Variants in ORC3 observed in about 807,000 individuals in gnomAD.
The protein encoded by ORC3 is origin recognition complex subunit 3, also known as homolog of latheo, Drosophila.
In ORC3, 78 loss-of-function variants were observed where a neutral mutation model predicts 100.7. That is an observed-to-expected ratio of 0.77 (90% CI 0.65 to 0.94). ORC3 has a LOEUF of 0.94. Ranked by LOEUF, ORC3 falls within the 40% of genes least tolerant of loss-of-function variation. ORC3 has a pLI of 0.00. For missense variants in ORC3, 789 were observed against 823.9 expected, an observed-to-expected ratio of 0.96 and a Z score of 0.52; for synonymous variants, 295 against 289.3, an observed-to-expected ratio of 1.02 and a Z score of -0.20.
At chr6:87,590,263 A>T in intron 1 of ORC3, 71 bp downstream of exon 1, 1 of 1,470,534 alleles carries the variant, frequency 6.8e-7, no homozygotes, top group South Asian at 1.1e-5. Flanking sequence ...GATGAAGCCG[A>T]GGTTACGTAG....
At chr6:87,663,296 T>C (rs950620854) in intron 17 of ORC3, 152 bp downstream of exon 17, 2 of 572,528 alleles carry the variant, frequency 3.5e-6, no homozygotes, top group African/African-American at 3.7e-5. Flanking sequence ...TTCTTTAGAC[T>C]GTAGAAAAAA....
intron 11 of ORC3, 75 bp downstream of exon 11, chr6:87,622,088 G>A: frequency 2.1e-6 from 2 of 954,716 alleles, no homozygotes; most frequent in Non-Finnish European, 3.3e-6. Context: ...AACATTTATT[G>A]AGTTAATAAA....
At chr6:87,600,336 AAAG>A (rs2128246703) in intron 2 of ORC3, among the ~76,000 whole-genome samples, 1 of 152,350 alleles carries the variant, frequency 6.6e-6, no homozygotes, top group East Asian at 1.9e-4. Flanking sequence ...TTGATTAAAA[AAAG>A]AGACCTGTGA....
chr6:87,658,744 G>A (rs1286817979), intron 16 of ORC3, among the ~76,000 whole-genome samples: 2 of 152,102 alleles, frequency 1.3e-5, no homozygotes, highest in South Asian at 4.1e-4. Context: ...CCTGAAGAAA[G>A]AACATTTAAT....
intron 19 of ORC3, 68 bp downstream of exon 19, chr6:87,665,901 G>T (rs1770557746): frequency 1.1e-6 from 1 of 905,260 alleles, no homozygotes; most frequent in Non-Finnish European, 1.8e-6. Flanking sequence ...ATTTCTCCAG[G>T]TCTACACTAG....
At chr6:87,605,644 T>C (rs1340798456) in intron 4 of ORC3, among the ~76,000 whole-genome samples, 7 of 150,560 alleles carry the variant, frequency 4.6e-5, no homozygotes, top group Non-Finnish European at 8.9e-5. Flanking sequence ...AGCGAGATTC[T>C]GTCTCAAAAA....
chr6:87,614,973 C>T (rs1779056796), intron 8 of ORC3, among the ~76,000 whole-genome samples: 1 of 152,170 alleles, frequency 6.6e-6, no homozygotes, highest in South Asian at 2.1e-4. Flanking sequence ...TCAGCAGTGC[C>T]CCACTCTACT....
chr6:87,662,918 G>A, intron 16 of ORC3, 85 bp from the exon 17 acceptor site: 1 of 851,664 alleles, frequency 1.2e-6, no homozygotes, highest in Non-Finnish European at 1.6e-6. Context: ...GTCCAACAGA[G>A]CTTAAAGGAA....
rs148291220 is a variant in ORC3, at chr6:87,646,716, A to G, written c.1383-6400A>G. On this transcript the variant is annotated intron_variant, in intron 13 of 19. Transcript: ENST00000392844. ...CTCCTACCTCAGTATATGCTCCTTTACATTCTCCTTTAGTGCTTTCTCTTC... is the reference window on the plus strand; with the variant it reads ...CTCCTACCTCAGTATATGCTCCTTTGCATTCTCCTTTAGTGCTTTCTCTTC... 2.5e-3 allele frequency among the ~76,000 whole-genome samples: 382 copies of G among 152,344 alleles called. 2 individuals are homozygous for G. The highest frequency in any genetic ancestry group is 8.9e-3 in the African/African-American group (368 of 41,570).
At chr6:87,662,552 C>A (rs1770271291) in intron 16 of ORC3, among the ~76,000 whole-genome samples, 1 of 152,160 alleles carries the variant, frequency 6.6e-6, no homozygotes, top group African/African-American at 2.4e-5. Context: ...TAATTCCAGG[C>A]CTGTGTTTAA....
chr6:87,640,730 C>G (rs571060347), intron 13 of ORC3, among the ~76,000 whole-genome samples: 3 of 152,290 alleles, frequency 2.0e-5, no homozygotes, highest in African/African-American at 7.2e-5. Context: ...ATCTAGAAAT[C>G]AAATGCTAGG....
chr6:87,603,161 A>G (rs1037964078), intron 3 of ORC3, among the ~76,000 whole-genome samples: 1 of 151,096 alleles, frequency 6.6e-6, no homozygotes, highest in Non-Finnish European at 1.5e-5. Flanking sequence ...TCTTTTATCT[A>G]AAAAGATGAG....
In ORC3 at chr6:87,619,276, A is replaced by C. The variant is rs963827601; in HGVS notation, c.988-2078A>C. Among the ~76,000 whole-genome samples, 5 of 152,252 alleles carry C rather than the reference A, an allele frequency of 3.3e-5. No homozygotes were observed. In the South Asian group the frequency reaches 1.0e-3, roughly 31 times the overall value. On this transcript the variant is annotated intron_variant, in intron 9 of 19. Coordinates refer to ENST00000392844, the MANE Select transcript of ORC3 (RefSeq NM_012381.4). The stretch of plus-strand genomic sequence containing the variant: ...GTAAAGGACATTAACCAAGTTACTT[A>C]ATCTCTCAGGGTCTCAGTTTTCTCA...
chr6:87,601,744 A>G lies in ORC3; in HGVS notation c.80-40A>G, dbSNP rs373901200. On this transcript the variant is annotated intron_variant, in intron 2 of 19. Transcript: ENST00000392844. ...CGTAAGATCTATAACTTATACTATT[A>G]TATGAAAAAAGAAACTGACTTATTT... 1.0e-4 allele frequency: 117 copies of G among 1,144,918 alleles called. 1 individual carries two copies. The highest frequency in any genetic ancestry group is 1.0e-3 in the South Asian group (81 of 79,322). The allele number at this position is 1,144,918 out of a possible 1,614,324, so 70.9% of individuals were successfully genotyped here. A position where few individuals can be genotyped will look rare whatever the true frequency, so the allele number is the denominator to read the frequency against.
At chr6:87,630,547 A>T (rs2128274628) in intron 11 of ORC3, among the ~76,000 whole-genome samples, 1 of 152,360 alleles carries the variant, frequency 6.6e-6, no homozygotes, top group East Asian at 1.9e-4. Flanking sequence ...CAAACAGCCA[A>T]AACTTCTACC....
chr6:87,621,366 G>T lies in ORC3; in HGVS notation c.1000G>T (p.Glu334Ter). ...FIKGLQLSLL[E>*]HFYSQPLSVL... ...ACATGTCTTTCAGCTTTCTCTATTA[G>T]AGCATTTCTATTCCCAGCCCTTAAG... The change falls in exon 10 of 20, where the codon GAG becomes TAG. Residue 334 changes from glutamate to a stop codon, truncating the protein, a stop_gained. Transcript: ENST00000392844. LOFTEE classifies it high-confidence loss of function. 1 of 1,548,904 alleles carries T rather than the reference G, an allele frequency of 6.5e-7. No individual in the cohort carries two copies. The highest frequency in any genetic ancestry group is 8.7e-7 in the Non-Finnish European group (1 of 1,155,762).
intron 8 of ORC3, 102 bp from the exon 9 acceptor site, chr6:87,616,212 C>A (rs1779140945): frequency 4.2e-6 from 2 of 472,034 alleles, no homozygotes; most frequent in Non-Finnish European, 7.8e-6. Context: ...TCATAGTTAA[C>A]TGTGTCATAA....
chr6:87,669,211 T>C (rs75260292), downstream of ORC3, among the ~76,000 whole-genome samples: 9 of 152,168 alleles, frequency 5.9e-5, no homozygotes, highest in East Asian at 1.7e-3. Flanking sequence ...AATGTCAAAA[T>C]GTTGCCAAGG....
chr6:87,649,687 G>A (rs752909333), intron 13 of ORC3, among the ~76,000 whole-genome samples: 3 of 152,060 alleles, frequency 2.0e-5, no homozygotes, highest in African/African-American at 4.8e-5. Context: ...CAGAGGTTGC[G>A]GTGAGCTGAG....
Sources: gnomAD v4.1 joint callset for allele counts (sites outside exome capture counted in the v4.1 genomes callset) on GRCh38, gnomAD v4.1.1 for gene constraint, MANE v1.5 for transcripts, NCBI Gene and HGNC (gene_info 2026-07-23, HGNC 2026-07-21) for gene names.